DNAH2: variants seen among roughly 807,000 people sequenced by gnomAD.
DNAH2 encodes dynein axonemal heavy chain 2, also known as axonemal beta dynein heavy chain 2.
In DNAH2, 323 loss-of-function variants were observed where a neutral mutation model predicts 523.5. That is an observed-to-expected ratio of 0.62 (90% CI 0.56 to 0.68). DNAH2 has a LOEUF of 0.68. DNAH2 is among the 30% of genes least tolerant of loss of function. The pLI, the probability that DNAH2 is intolerant of heterozygous loss-of-function variation, is 0.00. For missense variants in DNAH2, 4,907 were observed against 5,701.5 expected, an observed-to-expected ratio of 0.86 and a Z score of 4.49; for synonymous variants, 2,093 against 2,177.4, an observed-to-expected ratio of 0.96 and a Z score of 1.08.
chr17:7,765,701 C>T, intron 21 of DNAH2, 136 bp downstream of exon 21: 8 of 962,946 alleles, frequency 8.3e-6, no homozygotes, highest in East Asian at 2.6e-5. Context: ...AGCCTCCACT[C>T]AGGAGCAAAG....
chr17:7,733,658 T>C (rs2075057794), intron 5 of DNAH2, among the ~76,000 whole-genome samples: 1 of 151,878 alleles, frequency 6.6e-6, no homozygotes, highest in Non-Finnish European at 1.5e-5. Flanking sequence ...TTTGTATCTT[T>C]AGTAGAGATG....
intron 24 of DNAH2, among the ~76,000 whole-genome samples, chr17:7,768,965 T>C (rs1485827658): frequency 6.6e-6 from 1 of 152,128 alleles, no homozygotes; most frequent in Non-Finnish European, 1.5e-5. Context: ...ACACTTAGGG[T>C]GATTCCACAT....
chr17:7,745,877 T>A (rs1277024719), intron 12 of DNAH2, among the ~76,000 whole-genome samples: 1 of 151,188 alleles, frequency 6.6e-6, no homozygotes, highest in Admixed American at 6.6e-5. Context: ...TCGCCAGGGG[T>A]CAGCCAGCGA....
Position 7,807,005 on chromosome 17 carries a change from G to A in DNAH2, c.9443-145G>A. The stretch of plus-strand genomic sequence containing the variant: ...CAGAGACAGAGTCAAGTCAGAGGGA[G>A]GAACTAGGGGCCAGGTCAGATAATT... On this transcript the variant is annotated intron_variant, in intron 61 of 85. Coordinates refer to ENST00000572933, the MANE Select transcript of DNAH2 (RefSeq NM_020877.5). This position sits in a 1 kb window ranked among gnomAD's most constrained non-coding sequence, Gnocchi z 5.6. The A allele has an allele frequency of 1.1e-6, 1 of 916,976 alleles. No individual in the cohort carries two copies. The highest frequency in any genetic ancestry group is 1.7e-6 in the Non-Finnish European group (1 of 603,754). The allele number at this position is 916,976 out of a possible 1,614,324, so 56.8% of individuals were successfully genotyped here. A position where few individuals can be genotyped will look rare whatever the true frequency, so the allele number is the denominator to read the frequency against.
At chr17:7,776,951 T>C in intron 32 of DNAH2, 62 bp downstream of exon 32, 1 of 1,386,138 alleles carries the variant, frequency 7.2e-7, no homozygotes, top group South Asian at 1.2e-5. Context: ...GCAGAGGTGG[T>C]AGGAGCCCAC....
At position 7,757,053 on chromosome 17, in the gene DNAH2, G is replaced by T. The variant is rs758892640; in HGVS notation, c.1905-38G>T. Reference sequence around the variant, plus strand: ...GATTGTTGCTCTAGTTTATCCCCTCGTGCGGTCCCCTCACTGCCTGGCTGC... The same window carrying T: ...GATTGTTGCTCTAGTTTATCCCCTCTTGCGGTCCCCTCACTGCCTGGCTGC... On this transcript the variant is annotated intron_variant, in intron 12 of 85. Transcript: ENST00000572933. The T allele has an allele frequency of 5.6e-6, 9 of 1,612,134 alleles. No individual in the cohort carries two copies. In the Admixed American group the frequency reaches 8.3e-5, roughly 15 times the overall value.
rs60931022 is a variant in DNAH2, at chr17:7,722,849, A to G, written c.167-779A>G. ...TGAATAATGCTGCTACGAATGCTGT[A>G]ATGCAAATCTCTCTTTGAGTCCTTG... is the stretch of plus-strand genomic sequence containing the variant. On this transcript the variant is annotated intron_variant, in intron 2 of 85. Transcript: ENST00000572933. Among the ~76,000 whole-genome samples, 750 of 152,216 alleles carry G rather than the reference A, an allele frequency of 4.9e-3. 11 individuals are homozygous for G. The highest frequency in any genetic ancestry group is 0.017 in the African/African-American group (711 of 41,534).
At position 7,830,840 on chromosome 17, in the gene DNAH2, C is replaced by T. The variant is rs1337726198; in HGVS notation, c.12228C>T (p.His4076=). The T allele has an allele frequency of 1.9e-6, 3 of 1,613,954 alleles. No homozygotes were observed. Among genetic ancestry groups the T allele is most frequent in the Admixed American group, 1.7e-5 (1 of 60,022 alleles). Residue 4076 remains histidine (H), a splice_region_variant and synonymous_variant, in exon 79 of 86, where the codon CAC becomes CAT. Transcript: ENST00000572933. ...ACCAGTCTCTATCAACTCCCTTCCACCGGTGAGGGGGAGGTGGCCCTGGAC... is the reference window on the plus strand; with the variant it reads ...ACCAGTCTCTATCAACTCCCTTCCATCGGTGAGGGGGAGGTGGCCCTGGAC... ...FCDQSLSTPF[H]RLSALETYFI...
chr17:7,816,352 G>A (rs1418431414), intron 63 of DNAH2, among the ~76,000 whole-genome samples: 3 of 152,240 alleles, frequency 2.0e-5, no homozygotes, highest in Middle Eastern at 3.4e-3. Flanking sequence ...GAAGGAAGGG[G>A]AAGAAAATTC....
In DNAH2 at chr17:7,781,124, A is replaced by T. The variant is rs150614806; in HGVS notation, c.6086A>T (p.Asp2029Val). ...CCCCTGTTCAATGCCATCGTGCAAG[A>T]TCTGTTTCCCAACATTGAGCTGCCT... ...DAPLFNAIVQ[D>V]LFPNIELPVI... Residue 2029 changes from aspartate to valine, a missense_variant, in exon 39 of 86, where the codon GAT becomes GTT. This residue lies in a region of DNAH2 where 2,806 missense variants were observed against 3,190.8 expected (regional missense o/e 0.88). Transcript: ENST00000572933. 1.9e-6 allele frequency: 3 copies of T among 1,614,078 alleles called. No homozygotes were observed. The highest frequency in any genetic ancestry group is 1.6e-4 in the Middle Eastern group (1 of 6,084).
At chr17:7,810,463 G>T (rs6503062) in intron 63 of DNAH2, among the ~76,000 whole-genome samples, 1 of 151,904 alleles carries the variant, frequency 6.6e-6, no homozygotes, top group African/African-American at 2.4e-5. Flanking sequence ...ATCCCAGCTC[G>T]CTGTAACTTC....
rs1250392299 is a variant in DNAH2, at chr17:7,778,150, G to T, written c.5321G>T (p.Gly1774Val). ...QYNYEYLGNS[G>V]RLVITPLTDR... ...AATTATGAGTACTTGGGTAACTCGG[G>T]CCGGCTCGTCATCACCCCCCTGACG... is the stretch of plus-strand genomic sequence containing the variant. Residue 1774 changes from glycine (G) to valine (V), a missense_variant, in exon 34 of 86, where the codon GGC becomes GTC. Physicochemically the swap from Gly to Val is moderately radical, Grantham distance 109. This residue lies in a region of DNAH2 where 2,806 missense variants were observed against 3,190.8 expected (regional missense o/e 0.88). Transcript: ENST00000572933. The T allele has an allele frequency of 1.2e-6, 2 of 1,614,100 alleles. No individual in the cohort carries two copies. Among genetic ancestry groups the T allele is most frequent in the East Asian group, 2.2e-5 (1 of 44,900 alleles).
intron 44 of DNAH2, among the ~76,000 whole-genome samples, chr17:7,788,518 C>G (rs542342018): frequency 3.3e-5 from 5 of 152,270 alleles, no homozygotes; most frequent in African/African-American, 1.2e-4. Flanking sequence ...CCCACCCATG[C>G]TTTGGGAGCT....
intron 31 of DNAH2, 112 bp from the exon 32 acceptor site, chr17:7,776,667 T>C (rs2076461225): frequency 5.4e-6 from 4 of 734,970 alleles, no homozygotes; most frequent in Non-Finnish European, 9.2e-6. Context: ...TCAGAGCAGA[T>C]TGGGTGCAGT....
In DNAH2 at chr17:7,759,912, A is replaced by G. The variant is rs780150534; in HGVS notation, c.2759A>G (p.His920Arg). The G allele has an allele frequency of 1.9e-6, 3 of 1,614,064 alleles. No individual in the cohort carries two copies. Among genetic ancestry groups the G allele is most frequent in the Admixed American group, 1.7e-5 (1 of 59,994 alleles). ...LPDILTKRKL[H>R]REPIQTVVEQ... ...GACATTCTCACCAAGCGCAAGTTAC[A>G]TCGTGAACCCATCCAAACAGTTGTG... Residue 920 changes from histidine (H) to arginine (R), a missense_variant, in exon 17 of 86, where the codon CAT (histidine) becomes CGT (arginine). Transcript: ENST00000572933.
chr17:7,812,601 G>A (rs1158733470), intron 63 of DNAH2, among the ~76,000 whole-genome samples: 1 of 151,748 alleles, frequency 6.6e-6, no homozygotes, highest in Non-Finnish European at 1.5e-5. Flanking sequence ...CTGGGCAACA[G>A]AGCAAAATCC....
At chr17:7,793,515 C>CT (rs1205341305) in intron 48 of DNAH2, among the ~76,000 whole-genome samples, 39 of 104,656 alleles carry the variant, frequency 3.7e-4, no homozygotes, top group East Asian at 1.9e-3. Flanking sequence ...TTCTTTCTTT[C>CT]TTCTCTTTCT....
chr17:7,830,257 G>C (rs773479533), intron 77 of DNAH2, 43 bp from the exon 78 acceptor site: 1 of 1,575,378 alleles, frequency 6.3e-7, no homozygotes, highest in African/African-American at 1.3e-5. Flanking sequence ...GCAGGTCTGA[G>C]TGTGATGCAT....
At position 7,788,126 on chromosome 17, in the gene DNAH2, T is replaced by C. The variant is rs367925426; in HGVS notation, c.6782T>C (p.Ile2261Thr). ...EPLQRMFEKL[I>T]NKMLAFKKDN... is the part of the protein sequence containing the mutation. Reference sequence around the variant, plus strand: ...CTTCAACGCATGTTCGAAAAGCTCATCAACAAGATGCTGGCCTTTAAGAAG... The same window carrying C: ...CTTCAACGCATGTTCGAAAAGCTCACCAACAAGATGCTGGCCTTTAAGAAG... Residue 2261 changes from isoleucine to threonine, a missense_variant, in exon 44 of 86, where the codon ATC becomes ACC. Ile to Thr is a moderately conservative substitution (Grantham distance 89, BLOSUM62 -1). Around this residue, in one of 3 missense-constraint regions of DNAH2, gnomAD observed 2,806 missense variants for 3,190.8 expected, o/e 0.88. Transcript: ENST00000572933. The C allele has an allele frequency of 6.2e-7, 1 of 1,614,048 alleles. No individual in the cohort carries two copies. The highest frequency in any genetic ancestry group is 8.5e-7 in the Non-Finnish European group (1 of 1,180,030).
Sources: gnomAD v4.1 joint callset for allele counts (sites outside exome capture counted in the v4.1 genomes callset) on GRCh38, gnomAD v4.1.1 for gene constraint, gnomAD v4.1.1 regional missense constraint, Gnocchi (gnomAD v3.1) non-coding constraint, MANE v1.5 for transcripts, NCBI Gene and HGNC (gene_info 2026-07-23, HGNC 2026-07-21) for gene names.